Variants in HEPHL1 observed in about 807,000 individuals in gnomAD.
The protein encoded by HEPHL1 is hephaestin like 1, also known as ferroxidase HEPHL1.
Under a neutral mutation model 122.0 loss-of-function variants are expected in HEPHL1, and 123 were observed. The observed-to-expected ratio is 1.01, with a 90% CI of 0.87 to 1.17. The LOEUF is 1.17. Ranked by LOEUF, HEPHL1 falls within the 50% of genes most tolerant of loss-of-function variation. The pLI is 0.00. For synonymous variants in HEPHL1, 527 were observed against 508.9 expected (o/e 1.04, Z -0.48); for missense variants, 1,452 against 1,430.5 (o/e 1.01, Z -0.24).
At chr11:94,082,608 AC>A in intron 10 of HEPHL1, 40 bp downstream of exon 10, 2 of 1,571,260 alleles carry the variant, frequency 1.3e-6, no homozygotes, top group Non-Finnish European at 8.7e-7. Flanking sequence ...TGAAAGGCTG[AC>A]TTGCATTAGA....
At chr11:94,042,889 A>AAAAAAAAAAAAC (rs1555058804) in intron 1 of HEPHL1, among the ~76,000 whole-genome samples, 1 of 104,906 alleles carries the variant, frequency 9.5e-6, no homozygotes, top group African/African-American at 3.0e-5. Flanking sequence ...AAAAAAAAAA[A>AAAAAAAAAAAAC]AAAACTGCAT....
At chr11:94,027,514 A>G (rs1945636449) in intron 1 of HEPHL1, among the ~76,000 whole-genome samples, 1 of 152,202 alleles carries the variant, frequency 6.6e-6, no homozygotes, top group Non-Finnish European at 1.5e-5. Flanking sequence ...TTTACGCTTT[A>G]CCAGAAATAA....
At chr11:94,053,396 T>A (rs1295131816) in intron 2 of HEPHL1, among the ~76,000 whole-genome samples, 1 of 152,188 alleles carries the variant, frequency 6.6e-6, no homozygotes, top group African/African-American at 2.4e-5. Flanking sequence ...GTTGATCTTT[T>A]CTAAGTACCA....
chr11:94,033,883 A>T (rs1239935253), intron 1 of HEPHL1, among the ~76,000 whole-genome samples: 2 of 152,206 alleles, frequency 1.3e-5, no homozygotes, highest in Non-Finnish European at 2.9e-5. Flanking sequence ...CGCTTTGGTG[A>T]GTACCATTAT....
At chr11:94,090,105 G>T (rs1190736883) in intron 12 of HEPHL1, among the ~76,000 whole-genome samples, 1 of 151,686 alleles carries the variant, frequency 6.6e-6, no homozygotes, top group Non-Finnish European at 1.5e-5. Context: ...CTACCTTCTG[G>T]ATACTTTTTT....
intron 5 of HEPHL1, among the ~76,000 whole-genome samples, chr11:94,069,644 G>T (rs1946059125): frequency 6.6e-6 from 1 of 152,012 alleles, no homozygotes; most frequent in African/African-American, 2.4e-5. Context: ...CTTCATCATG[G>T]TTAATACTTC....
chr11:94,094,748 A>G (rs1422617322), intron 13 of HEPHL1, among the ~76,000 whole-genome samples: 1 of 152,206 alleles, frequency 6.6e-6, no homozygotes, highest in Non-Finnish European at 1.5e-5. Context: ...TCTGATGGCC[A>G]GTGATGATGA....
rs1946465375 is a variant in HEPHL1, at chr11:94,113,155, C to T, written c.*1261C>T. On this transcript the variant is annotated 3_prime_UTR_variant, in exon 20 of 20. Transcript: ENST00000315765. Reference sequence around the variant, plus strand: ...CCATTATGAGGCAATCTACACTGTCCATACCTATGCTTAGACAGTAGGTGT... The same window carrying T: ...CCATTATGAGGCAATCTACACTGTCTATACCTATGCTTAGACAGTAGGTGT... 6.6e-6 allele frequency: 1 copy of T among 152,144 alleles called. No homozygotes were observed. The highest frequency in any genetic ancestry group is 1.5e-5 in the Non-Finnish European group (1 of 68,024). The allele number at this position is 152,144 out of a possible 1,614,324, so 9.4% of individuals were successfully genotyped here.
At chr11:94,064,584 C>G (rs1402571390) in intron 4 of HEPHL1, 74 bp downstream of exon 4, 11 of 1,014,166 alleles carry the variant, frequency 1.1e-5, no homozygotes, top group Middle Eastern at 2.1e-4. Flanking sequence ...ATAAAAAATA[C>G]ACAGAAATGT....
In HEPHL1 at chr11:94,112,827, A is replaced by T. The variant is rs1565365602; in HGVS notation, c.*933A>T. ...GAATTTGGAGTCTGATTTTTCATTC[A>T]GTTAGAGGGAATCTTTACAAGTCCT... On this transcript the variant is annotated 3_prime_UTR_variant, in exon 20 of 20. Coordinates refer to ENST00000315765, the MANE Select transcript of HEPHL1 (RefSeq NM_001098672.2). 1 of 152,340 alleles carries T rather than the reference A, an allele frequency of 6.6e-6. No individual in the cohort carries two copies. Among genetic ancestry groups the T allele is most frequent in the East Asian group, 1.9e-4 (1 of 5,178 alleles). The allele number at this position is 152,340 out of a possible 1,614,324, so 9.4% of individuals were successfully genotyped here. A position where few individuals can be genotyped will look rare whatever the true frequency, so the allele number is the denominator to read the frequency against.
intron 1 of HEPHL1, among the ~76,000 whole-genome samples, chr11:94,037,177 G>T (rs1248708627): frequency 2.6e-5 from 4 of 152,298 alleles, no homozygotes; most frequent in Admixed American, 6.5e-5. Context: ...AAAAAACGGC[G>T]CACCACGAGA....
intron 2 of HEPHL1, among the ~76,000 whole-genome samples, chr11:94,056,656 ATTATCTATC>A (rs1461926859): frequency 0.017 from 1,765 of 106,946 alleles, 13 homozygotes; most frequent in Middle Eastern, 0.025. Context: ...GCTATTATTG[ATTATCTATC>A]TATCTATCTA....
intron 17 of HEPHL1, among the ~76,000 whole-genome samples, chr11:94,110,150 A>G (rs1770079240): frequency 6.6e-6 from 1 of 152,146 alleles, no homozygotes; most frequent in African/African-American, 2.4e-5. Context: ...TATTTGTAAG[A>G]TTTTAGTGAT....
intron 12 of HEPHL1, among the ~76,000 whole-genome samples, chr11:94,090,654 T>C (rs1461120439): frequency 6.6e-6 from 1 of 152,174 alleles, no homozygotes; most frequent in East Asian, 1.9e-4. Context: ...CAATTCAGTA[T>C]GGAATTGAAA....
intron 2 of HEPHL1, among the ~76,000 whole-genome samples, chr11:94,048,419 G>T (rs1383621313): frequency 6.6e-6 from 1 of 152,110 alleles, no homozygotes; most frequent in East Asian, 1.9e-4. Flanking sequence ...GAGTGCAGTA[G>T]TACAGTCATG....
chr11:94,050,566 T>C (rs922546000), intron 2 of HEPHL1, among the ~76,000 whole-genome samples: 1 of 152,116 alleles, frequency 6.6e-6, no homozygotes, highest in Non-Finnish European at 1.5e-5. Flanking sequence ...TGTTTATGGG[T>C]TGCATGAGAT....
At chr11:94,055,363 TG>T in intron 2 of HEPHL1, 1 of 224,566 alleles carries the variant, frequency 4.5e-6, no homozygotes. Context: ...AGCTCAAAGG[TG>T]GCTACTTAGT....
intron 2 of HEPHL1, among the ~76,000 whole-genome samples, chr11:94,058,554 G>A (rs1945959512): frequency 1.3e-5 from 2 of 151,958 alleles, no homozygotes; most frequent in African/African-American, 4.8e-5. Flanking sequence ...GAGCGGGTGG[G>A]GCTAACATTA....
Position 94,070,460 on chromosome 11 carries a change from A to T in HEPHL1, c.1150A>T (p.Ile384Leu). The T allele has an allele frequency of 5.6e-6, 9 of 1,609,826 alleles. No homozygotes were observed. In the South Asian group the frequency reaches 7.8e-5, roughly 14 times the overall value. ...GAAGGGTCAACAGAGGCGCTACTTT[A>T]TAGCAGCTGAAAAAATTCTTTGGGA... Reference protein sequence around the residue: ...KMKGQQRRYFIAAEKILWDYA... With the variant: ...KMKGQQRRYFLAAEKILWDYA... The change falls in exon 6 of 20, where the codon ATA (isoleucine) becomes TTA (leucine). Residue 384 changes from isoleucine (I) to leucine (L), a missense_variant. By Grantham distance (5) the Ile-to-Leu change is conservative (BLOSUM62 2). Transcript: ENST00000315765.
Sources: gnomAD v4.1 joint callset for allele counts (sites outside exome capture counted in the v4.1 genomes callset) on GRCh38, gnomAD v4.1.1 for gene constraint, MANE v1.5 for transcripts, NCBI Gene and HGNC (gene_info 2026-07-23, HGNC 2026-07-21) for gene names.